PLXDC2: variants seen among roughly 807,000 people sequenced by gnomAD.
PLXDC2 encodes plexin domain containing 2.
PLXDC2 carries 40 observed loss-of-function variants against 68.9 expected under a neutral mutation model. The observed-to-expected ratio is 0.58, with a 90% CI of 0.45 to 0.76. The LOEUF (loss-of-function observed/expected upper bound fraction) is 0.76, where lower values mean the gene tolerates loss of function less well. Among genes scored for constraint, PLXDC2 ranks in the 30% least tolerant of loss-of-function variants. PLXDC2 has a pLI of 0.00. For synonymous variants in PLXDC2, 243 were observed against 234.2 expected (o/e 1.04, Z -0.34); for missense variants, 644 against 661.9 (o/e 0.97, Z 0.30).
intron 2 of PLXDC2, among the ~76,000 whole-genome samples, chr10:20,031,636 C>T (rs1234245990): frequency 2.0e-5 from 3 of 152,048 alleles, no homozygotes; most frequent in Non-Finnish European, 4.4e-5. Flanking sequence ...GCTGCATGCC[C>T]AGGCCATTGT....
At chr10:20,138,287 A>G (rs1330246167) in intron 4 of PLXDC2, among the ~76,000 whole-genome samples, 2 of 152,170 alleles carry the variant, frequency 1.3e-5, no homozygotes, top group Non-Finnish European at 2.9e-5. Flanking sequence ...TTATCGGATA[A>G]TTGTGAAAAC....
chr10:20,088,531 C>A (rs981698354), intron 4 of PLXDC2, among the ~76,000 whole-genome samples: 5 of 152,082 alleles, frequency 3.3e-5, no homozygotes, highest in Admixed American at 3.3e-4. Context: ...TTGAGGAAAC[C>A]AAAAGGCATG....
chr10:19,870,103 C>T (rs144248899), intron 1 of PLXDC2, among the ~76,000 whole-genome samples: 1 of 152,220 alleles, frequency 6.6e-6, no homozygotes, highest in African/African-American at 2.4e-5. Context: ...TAATGTTTTG[C>T]ACAAATGCGA....
At chr10:20,004,325 C>G (rs998495526) in intron 2 of PLXDC2, among the ~76,000 whole-genome samples, 1 of 152,200 alleles carries the variant, frequency 6.6e-6, no homozygotes, top group Non-Finnish European at 1.5e-5. Context: ...GTTGATGTGT[C>G]AGGAGCAGAA....
chr10:20,043,718 GA>G (rs1176275279), intron 2 of PLXDC2, among the ~76,000 whole-genome samples: 5 of 151,820 alleles, frequency 3.3e-5, no homozygotes, highest in Non-Finnish European at 5.9e-5. Flanking sequence ...TGTCAATAGG[GA>G]AAAAATTTAA....
In PLXDC2 at chr10:20,177,337, A is replaced by G; in HGVS notation, c.989A>G (p.Gln330Arg). 6.2e-7 allele frequency: 1 copy of G among 1,603,622 alleles called. No homozygotes were observed. The highest frequency in any genetic ancestry group is 2.2e-5 in the East Asian group (1 of 44,754). Residue 330 changes from glutamine (Q) to arginine (R), a missense_variant, in exon 9 of 14, where the codon CAG (glutamine) becomes CGG (arginine). This residue lies in a region of PLXDC2 where 330 missense variants were observed against 327.9 expected (regional missense o/e 1.01). Coordinates refer to ENST00000377252, the MANE Select transcript of PLXDC2 (RefSeq NM_032812.9). Reference sequence around the variant, plus strand: ...CTTTCCTCTTCCCTAGCATGCCTCCAGTTTAACAGATGTGGCCCCTGTGTA... The same window carrying G: ...CTTTCCTCTTCCCTAGCATGCCTCCGGTTTAACAGATGTGGCCCCTGTGTA... ...VEMTPLPTCLQFNRCGPCVSS... is the reference protein window; with the variant it reads ...VEMTPLPTCLRFNRCGPCVSS...
chr10:20,254,138 T>G (rs1000955572), intron 13 of PLXDC2, among the ~76,000 whole-genome samples: 44 of 152,168 alleles, frequency 2.9e-4, no homozygotes, highest in African/African-American at 9.7e-4. Context: ...TCTTTTAAGC[T>G]TTTTTGCCAC....
intron 4 of PLXDC2, among the ~76,000 whole-genome samples, chr10:20,140,403 A>AT (rs869307326): frequency 1.6e-3 from 36 of 22,786 alleles, no homozygotes; most frequent in African/African-American, 8.3e-3. Flanking sequence ...TATATATATA[A>AT]AATATCTATC....
At chr10:20,152,153 A>G (rs1176620704) in intron 6 of PLXDC2, among the ~76,000 whole-genome samples, 1 of 152,080 alleles carries the variant, frequency 6.6e-6, no homozygotes, top group Admixed American at 6.6e-5. Context: ...CAATAGCATA[A>G]TTTTTTTGCA....
intron 9 of PLXDC2, among the ~76,000 whole-genome samples, chr10:20,201,552 T>G (rs935955249): frequency 3.3e-5 from 5 of 151,962 alleles, no homozygotes; most frequent in Non-Finnish European, 5.9e-5. Context: ...ACAATATAAC[T>G]ATTTAACAAT....
intron 3 of PLXDC2, among the ~76,000 whole-genome samples, chr10:20,065,257 T>C (rs935454990): frequency 1.3e-5 from 2 of 152,200 alleles, no homozygotes; most frequent in African/African-American, 4.8e-5. Context: ...CTAAAAGTTG[T>C]TGCCTATGGC....
At chr10:20,191,631 C>T (rs1834766237) in intron 9 of PLXDC2, among the ~76,000 whole-genome samples, 1 of 149,044 alleles carries the variant, frequency 6.7e-6, no homozygotes, top group African/African-American at 2.5e-5. Context: ...GTTCCCCTTC[C>T]TGTGTCCATG....
chr10:20,256,559 G>A (rs1835744858), intron 13 of PLXDC2, among the ~76,000 whole-genome samples: 1 of 151,862 alleles, frequency 6.6e-6, no homozygotes, highest in Admixed American at 6.6e-5. Flanking sequence ...AAATAAATTT[G>A]TTATAATTAT....
intron 4 of PLXDC2, among the ~76,000 whole-genome samples, chr10:20,098,495 C>T (rs1833382056): frequency 6.6e-6 from 1 of 151,938 alleles, no homozygotes; most frequent in Non-Finnish European, 1.5e-5. Context: ...AAATCCTAAA[C>T]CTAATCACAT....
chr10:20,014,351 TC>T (rs1835168037), intron 2 of PLXDC2, among the ~76,000 whole-genome samples: 1 of 113,850 alleles, frequency 8.8e-6, no homozygotes. Flanking sequence ...CCTCCCTCCT[TC>T]CCTTTCCTTC....
chr10:19,927,713 C>CAAGAAAAAAAAAAA (rs1833561725), intron 1 of PLXDC2, among the ~76,000 whole-genome samples: 1 of 53,142 alleles, frequency 1.9e-5, no homozygotes, highest in African/African-American at 7.9e-5. Context: ...GGAAAAAAAG[C>CAAGAAAAAAAAAAA]AAAAAAAAAA....
chr10:19,870,178 C>T (rs939449682), intron 1 of PLXDC2, among the ~76,000 whole-genome samples: 16 of 152,134 alleles, frequency 1.1e-4, no homozygotes, highest in African/African-American at 1.9e-4. Flanking sequence ...TGAAGAGATA[C>T]TGCAGCGTAA....
chr10:20,167,137 G>C (rs1834386444), intron 7 of PLXDC2, among the ~76,000 whole-genome samples: 2 of 152,116 alleles, frequency 1.3e-5, no homozygotes. Flanking sequence ...TGCCATTGTT[G>C]CTGTTAGATG....
At chr10:19,998,427 T>A (rs987033025) in intron 1 of PLXDC2, among the ~76,000 whole-genome samples, 3 of 152,214 alleles carry the variant, frequency 2.0e-5, no homozygotes, top group Non-Finnish European at 4.4e-5. Context: ...TCAGTCTTGA[T>A]GAGCCATGTA....
Sources: gnomAD v4.1 joint callset for allele counts (sites outside exome capture counted in the v4.1 genomes callset) on GRCh38, gnomAD v4.1.1 for gene constraint, gnomAD v4.1.1 regional missense constraint, MANE v1.5 for transcripts, NCBI Gene and HGNC (gene_info 2026-07-23, HGNC 2026-07-21) for gene names.